The following PDE1A variants were observed in gnomAD, a reference collection of about 807,000 sequenced individuals.
PDE1A encodes the protein dual specificity calcium/calmodulin-dependent 3',5'-cyclic nucleotide phosphodiesterase 1A.
Under a neutral mutation model 61.7 loss-of-function variants are expected in PDE1A, and 35 were observed. That is an observed-to-expected ratio of 0.57 (90% CI 0.43 to 0.75). The LOEUF is 0.75. PDE1A is among the 30% of genes least tolerant of loss of function. PDE1A has a pLI of 0.00. For missense variants in PDE1A, 597 were observed against 630.6 expected, an observed-to-expected ratio of 0.95 and a Z score of 0.57; for synonymous variants, 232 against 213.2, an observed-to-expected ratio of 1.09 and a Z score of -0.77.
At chr2:182,302,153 C>T (rs1695284814) in intron 1 of PDE1A, among the ~76,000 whole-genome samples, 2 of 152,156 alleles carry the variant, frequency 1.3e-5, no homozygotes, top group Admixed American at 1.3e-4. Flanking sequence ...TAACTCAGCC[C>T]TTAACATTTC....
At chr2:182,362,236 C>T (rs890967122) in intron 1 of PDE1A, among the ~76,000 whole-genome samples, 1 of 151,914 alleles carries the variant, frequency 6.6e-6, no homozygotes, top group Admixed American at 6.6e-5. Context: ...CATTTACAGA[C>T]TTATCAGTTA....
chr2:182,397,552 A>T (rs1237346019), intron 1 of PDE1A, among the ~76,000 whole-genome samples: 3 of 152,154 alleles, frequency 2.0e-5, no homozygotes, highest in African/African-American at 4.8e-5. Context: ...ATGAGAAAAA[A>T]TTCTGCGATA....
At chr2:182,386,255 C>T (rs1260381423) in intron 1 of PDE1A, among the ~76,000 whole-genome samples, 1 of 152,112 alleles carries the variant, frequency 6.6e-6, no homozygotes, top group African/African-American at 2.4e-5. Context: ...ACAGCCTCTG[C>T]CCAGCCGCCA....
In PDE1A at chr2:182,232,502, C is replaced by T. The variant is rs1276699227; in HGVS notation, c.418-1371G>A. Among the ~76,000 whole-genome samples, 4 of 152,288 alleles carry T rather than the reference C, an allele frequency of 2.6e-5. No individual in the cohort carries two copies. The South Asian group carries it at 8.3e-4, about 32-fold the overall frequency. On this transcript the variant is annotated intron_variant, in intron 4 of 13. Coordinates refer to ENST00000351439, the Ensembl canonical transcript of PDE1A. ...AAATCTGATAAAAAGTATTCAGTCTCTTTTAAAAATACTTCCTTCAAAAAA... is the reference window on the plus strand; with the variant it reads ...AAATCTGATAAAAAGTATTCAGTCTTTTTTAAAAATACTTCCTTCAAAAAA...
chr2:182,174,160 T>G (rs889827363), intron 13 of PDE1A, among the ~76,000 whole-genome samples: 7 of 152,010 alleles, frequency 4.6e-5, no homozygotes, highest in Admixed American at 1.3e-4. Context: ...AGGCTAACAC[T>G]GCTATTCATT....
chr2:182,232,499 T>C (rs59076821), intron 4 of PDE1A, among the ~76,000 whole-genome samples: 7,731 of 152,256 alleles, frequency 0.051, 626 homozygotes, highest in African/African-American at 0.18. Flanking sequence ...AAGTATTCAG[T>C]CTCTTTTAAA....
chr2:182,186,933 C>A (rs1347178082), intron 11 of PDE1A, among the ~76,000 whole-genome samples: 1 of 152,168 alleles, frequency 6.6e-6, no homozygotes, highest in African/African-American at 2.4e-5. Context: ...TCTCTCAACA[C>A]CAGGGATCAT....
the PDE1A span, among the ~76,000 whole-genome samples, chr2:182,597,168 A>T: frequency 6.6e-6 from 1 of 151,860 alleles, no homozygotes; most frequent in Non-Finnish European, 1.5e-5. Flanking sequence ...TAAAAAAAAA[A>T]AATTTTTTTT....
chr2:182,554,596 G>A, the PDE1A span, among the ~76,000 whole-genome samples: 84 of 152,196 alleles, frequency 5.5e-4, no homozygotes, highest in East Asian at 0.016. Flanking sequence ...GAACTTTGGC[G>A]AGTTAGTTAA....
rs147578258 is a variant in PDE1A at position 182,423,445 on chromosome 2, G to A, written c.53+3133C>T. Reference sequence around the variant, plus strand: ...TCGTAGCCAGCTACAAAATTTCAACGTTCACCATCTACTCCAAAACCTCTC... The same window carrying A: ...TCGTAGCCAGCTACAAAATTTCAACATTCACCATCTACTCCAAAACCTCTC... On this transcript the variant is annotated intron_variant, in intron 1 of 13. Transcript: ENST00000351439. Among the ~76,000 whole-genome samples, 431 of 152,200 alleles carry A rather than the reference G, an allele frequency of 2.8e-3. 9 individuals are homozygous for A. In the South Asian group the frequency reaches 0.038, roughly 13 times the overall value.
At chr2:182,175,170 G>C (rs1470935287) in intron 13 of PDE1A, among the ~76,000 whole-genome samples, 1 of 152,152 alleles carries the variant, frequency 6.6e-6, no homozygotes. Flanking sequence ...TTGGTTCCAA[G>C]TCTTTGCTAT....
rs181180347 is a variant in PDE1A at position 182,485,673 on chromosome 2, C to T, written c.101+36603G>A. Among the ~76,000 whole-genome samples, 730 of 151,764 alleles carry T rather than the reference C, an allele frequency of 4.8e-3. 6 individuals carry two copies. The highest frequency in any genetic ancestry group is 0.027 in the Middle Eastern group (8 of 294). On this transcript the variant is annotated intron_variant, in intron 2 of 14. Coordinates refer to the PDE1A transcript ENST00000410103. ...CCAAGTGAGATTTATCCCAGGAATG[C>T]GAGACAAGTTTAAAATATAAAAATT...
At chr2:182,205,863 T>A in intron 8 of PDE1A, 77 bp downstream of exon 8, 4 of 1,339,422 alleles carry the variant, frequency 3.0e-6, no homozygotes, top group Non-Finnish European at 4.1e-6. Flanking sequence ...GACTTTCATC[T>A]TTTTTCTTGA....
At chr2:182,328,184 A>C (rs1206470504) in intron 1 of PDE1A, among the ~76,000 whole-genome samples, 2 of 152,180 alleles carry the variant, frequency 1.3e-5, no homozygotes, top group Non-Finnish European at 2.9e-5. Flanking sequence ...AGATTCTAAG[A>C]GAGTATTTAA....
At chr2:182,159,726 G>A (rs1004653898) in intron 13 of PDE1A, among the ~76,000 whole-genome samples, 4 of 152,170 alleles carry the variant, frequency 2.6e-5, no homozygotes, top group African/African-American at 9.7e-5. Flanking sequence ...AGGCTGAGGA[G>A]AGAGGATCAC....
intron 1 of PDE1A, among the ~76,000 whole-genome samples, chr2:182,388,567 C>G (rs1456253814): frequency 1.3e-5 from 2 of 151,982 alleles, no homozygotes; most frequent in Non-Finnish European, 2.9e-5. Flanking sequence ...TGCACCTAAA[C>G]AGCCAATGAT....
chr2:182,398,724 G>A (rs1033327087), intron 1 of PDE1A, among the ~76,000 whole-genome samples: 18 of 151,886 alleles, frequency 1.2e-4, no homozygotes, highest in Admixed American at 3.3e-4. Context: ...GGAGCATACC[G>A]CTATCTTAAA....
the PDE1A span, among the ~76,000 whole-genome samples, chr2:182,684,761 G>T: frequency 6.6e-6 from 1 of 152,064 alleles, no homozygotes; most frequent in East Asian, 1.9e-4. Flanking sequence ...ATGTTGGCCA[G>T]GCTGGTCTCG....
rs114922044 is a variant in PDE1A, at chr2:182,400,587, C to G, written c.53+25991G>C. Among the ~76,000 whole-genome samples the G allele has an allele frequency of 9.9e-3, 1,501 of 152,224 alleles. 25 individuals carry two copies. Among genetic ancestry groups the G allele is most frequent in the African/African-American group, 0.034 (1,417 of 41,536 alleles). On this transcript the variant is annotated intron_variant, in intron 1 of 13. Coordinates refer to ENST00000351439, the Ensembl canonical transcript of PDE1A. ...CCTCCAGAGGACTCTCAGGAGCACT[C>G]TCAGGGGAGTTTTCCAACTAAGTAA...
Sources: gnomAD v4.1 joint callset for allele counts (sites outside exome capture counted in the v4.1 genomes callset) on GRCh38, gnomAD v4.1.1 for gene constraint, MANE v1.5 for transcripts, NCBI Gene and HGNC (gene_info 2026-07-23, HGNC 2026-07-21) for gene names.